Variants in CREB3 observed in about 807,000 individuals in gnomAD.
The protein encoded by CREB3 is cyclic AMP-responsive element-binding protein 3.
CREB3 carries 29 observed loss-of-function variants against 34.5 expected under a neutral mutation model. That is an observed-to-expected ratio of 0.84 (90% CI 0.63 to 1.15). The LOEUF is 1.15. Among genes scored for constraint, CREB3 ranks in the 50% most tolerant of loss-of-function variants. The pLI, the probability that CREB3 is intolerant of heterozygous loss-of-function variation, is 0.00. For synonymous variants in CREB3, 187 were observed against 173.9 expected (o/e 1.08, Z -0.59); for missense variants, 447 against 443.4 (o/e 1.01, Z -0.07).
At chr9:35,736,162 T>C (rs371979466) in intron 7 of CREB3, 30 bp downstream of exon 7, 33 of 1,612,818 alleles carry the variant, frequency 2.0e-5, no homozygotes, top group Non-Finnish European at 2.6e-5. Context: ...GAGAAATCCT[T>C]TTCTCAGTTG....
Position 35,733,496 on chromosome 9 carries a change from C to G in CREB3, c.435+11C>G, listed in dbSNP as rs1363168389. On this transcript the variant is annotated intron_variant, in intron 4 of 8. Coordinates refer to ENST00000353704, the MANE Select transcript of CREB3 (RefSeq NM_006368.5). ...CTTCCTCTCACTAAGGTAAGACTCT[C>G]ATTGGTTGAACAAAGGCTGAAAAGG... 9 of 1,596,266 alleles carry G rather than the reference C, an allele frequency of 5.6e-6. No homozygotes were observed. In the Admixed American group the frequency reaches 6.7e-5, roughly 12 times the overall value.
chr9:35,734,323 CTG>C (rs1459266982), intron 4 of CREB3, among the ~76,000 whole-genome samples: 1 of 152,162 alleles, frequency 6.6e-6, no homozygotes, highest in African/African-American at 2.4e-5. Flanking sequence ...GATTTGGAAA[CTG>C]TAGCAATAGA....
Position 35,732,998 on chromosome 9 carries a change from A to T in CREB3, c.132A>T (p.Val44=), listed in dbSNP as rs1563950553. 1 of 1,614,156 alleles carries T rather than the reference A, an allele frequency of 6.2e-7. No homozygotes were observed. The highest frequency in any genetic ancestry group is 2.2e-5 in the East Asian group (1 of 44,882). Residue 44 remains valine, a splice_region_variant and synonymous_variant, in exon 2 of 9, where the codon GTA becomes GTT. Coordinates refer to ENST00000353704, the MANE Select transcript of CREB3 (RefSeq NM_006368.5). The surrounding 1 kb of genome is among the most constrained non-coding windows in gnomAD (Gnocchi z 5.1). ...CTGTTCATTGGAACCCTGCGCAGGT[A>T]CCGAGCGACTGGGAAGTAGATGATT... The part of the protein sequence containing the change: ...PLDWALPLSE[V]PSDWEVDDLL...
In CREB3 at chr9:35,733,109, C is replaced by G; in HGVS notation, c.243C>G (p.Tyr81Ter). Residue 81 changes from tyrosine (Y) to a stop codon, truncating the protein, a stop_gained, in exon 2 of 9, where the codon TAC becomes TAG. Coordinates refer to ENST00000353704, the MANE Select transcript of CREB3 (RefSeq NM_006368.5). LOFTEE classifies it high-confidence loss of function. ...GCCTTGTCCACCATGACCACACCTACTCCCTCCCACGGGAAACTGTCTCTA... is the reference window on the plus strand; with the variant it reads ...GCCTTGTCCACCATGACCACACCTAGTCCCTCCCACGGGAAACTGTCTCTA... ...NPCLVHHDHT[Y>*]SLPRETVSMD... 1 of 1,614,250 alleles carries G rather than the reference C, an allele frequency of 6.2e-7. No individual in the cohort carries two copies. Among genetic ancestry groups the G allele is most frequent in the Non-Finnish European group, 8.5e-7 (1 of 1,180,050 alleles).
chr9:35,735,458 T>C, intron 6 of CREB3, 84 bp downstream of exon 6: 2 of 1,270,452 alleles, frequency 1.6e-6, no homozygotes. Context: ...ACTTGATTTC[T>C]AACTGGGCAG....
chr9:35,733,155 A>G lies in CREB3; in HGVS notation c.277+12A>G. The stretch of plus-strand genomic sequence containing the variant: ...CTCTATGGATCTAGGTGAGTCTGAA[A>G]TAAGTTTGCGGGGAGGACAGGGTTC... On this transcript the variant is annotated intron_variant, in intron 2 of 8. Coordinates refer to ENST00000353704, the MANE Select transcript of CREB3 (RefSeq NM_006368.5). The G allele has an allele frequency of 1.2e-6, 2 of 1,614,174 alleles. No individual in the cohort carries two copies. Among genetic ancestry groups the G allele is most frequent in the South Asian group, 1.1e-5 (1 of 91,082 alleles).
chr9:35,736,827 CT>C lies in CREB3; in HGVS notation c.*102del. 1 of 1,125,338 alleles carries C rather than the reference CT, an allele frequency of 8.9e-7. No homozygotes were observed. Among genetic ancestry groups the C allele is most frequent in the Non-Finnish European group, 1.3e-6 (1 of 785,440 alleles). The allele number at this position is 1,125,338 out of a possible 1,614,324, so 69.7% of individuals were successfully genotyped here. ...AAGGGCTGGCCGCAGCTCCTGTGCC[CT>C]GTCAGGACGACTGAGGGCTCAAACA... On this transcript the variant is annotated 3_prime_UTR_variant, in exon 9 of 9. Coordinates refer to ENST00000353704, the MANE Select transcript of CREB3 (RefSeq NM_006368.5).
rs1224820663 is a variant in CREB3, at chr9:35,733,446, G to A, written c.396G>A (p.Lys132=). Residue 132 remains lysine, a synonymous_variant, in exon 4 of 9, where the codon AAG becomes AAA. Transcript: ENST00000353704. The part of the protein sequence containing the change: ...LTDEEKSLLE[K]EGLILPETLP... ...ATGAGGAGAAGAGTCTATTGGAGAA[G>A]GAGGGGCTTATTCTGCCTGAGACAC... 1.2e-6 allele frequency: 2 copies of A among 1,613,666 alleles called. No individual in the cohort carries two copies. Among genetic ancestry groups the A allele is most frequent in the African/African-American group, 1.3e-5 (1 of 74,918 alleles).
Position 35,736,567 on chromosome 9 carries a change from C to G in CREB3, c.957C>G (p.Pro319=). 6.2e-7 allele frequency: 1 copy of G among 1,614,202 alleles called. No individual in the cohort carries two copies. The highest frequency in any genetic ancestry group is 8.5e-7 in the Non-Finnish European group (1 of 1,180,040). Residue 319 remains proline, a synonymous_variant, in exon 9 of 9, where the codon CCC becomes CCG. Transcript: ENST00000353704. ...TGCTGCATTACATGCCTCAGGCTCC[C>G]AGTGCAGAGCCTCCCCTGGAGTGGC... The part of the protein sequence containing the change: ...SCLLHYMPQA[P]SAEPPLEWPF...
Position 35,736,744 on chromosome 9 carries a change from G to T in CREB3, c.*18G>T, listed in dbSNP as rs571926809. 222 of 1,585,978 alleles carry T rather than the reference G, an allele frequency of 1.4e-4. 1 individual carries two copies. In the South Asian group the frequency reaches 2.4e-3, roughly 17 times the overall value. On this transcript the variant is annotated 3_prime_UTR_variant, in exon 9 of 9. Transcript: ENST00000353704. ...CAGGCTAGATATGAGGATATGTGGG[G>T]GGTCTCAGCAGGAGCCTGGGGGGCT...
In CREB3 at chr9:35,733,087, T is replaced by C. The variant is rs181914712; in HGVS notation, c.221T>C (p.Leu74Pro). Residue 74 changes from leucine to proline, a missense_variant, in exon 2 of 9, where the codon CTT (leucine) becomes CCT (proline). Coordinates refer to ENST00000353704, the MANE Select transcript of CREB3 (RefSeq NM_006368.5). ...ATTCTCAGCTCCTCCAACCCCTGCC[T>C]TGTCCACCATGACCACACCTACTCC... ...LNILSSSNPC[L>P]VHHDHTYSLP... 1.7e-4 allele frequency: 272 copies of C among 1,614,226 alleles called. 5 individuals carry two copies. The East Asian group carries it at 6.0e-3, about 36-fold the overall frequency.
rs574132925 is a variant in CREB3 at position 35,733,573 on chromosome 9, A to G, written c.435+88A>G. The G allele has an allele frequency of 5.3e-5, 47 of 890,920 alleles. No homozygotes were observed. The African/African-American group carries it at 6.0e-4, about 11-fold the overall frequency. 55.2% of individuals were successfully genotyped at this position (890,920 alleles called of 1,614,324 possible). On this transcript the variant is annotated intron_variant, in intron 4 of 8. Coordinates refer to ENST00000353704, the MANE Select transcript of CREB3 (RefSeq NM_006368.5). Reference sequence around the variant, plus strand: ...CTGTTAACTTTATATCAATAACTTTAAAAAAGGATTGAGGTGAGAAACTTA... The same window carrying G: ...CTGTTAACTTTATATCAATAACTTTGAAAAAGGATTGAGGTGAGAAACTTA...
rs752122931 is a variant in CREB3 at position 35,732,888 on chromosome 9, T to C, written c.116T>C (p.Leu39Pro). ...EAVRAPLDWA[L>P]PLSEVPSDWE... ...GTGAGGGCCCCACTGGACTGGGCGC[T>C]GCCGCTTTCTGAGGTAGGTTGGGGT... Residue 39 changes from leucine to proline, a missense_variant, in exon 1 of 9, where the codon CTG (leucine) becomes CCG (proline). By Grantham distance (98) the Leu-to-Pro change is moderately conservative (BLOSUM62 -3). Coordinates refer to ENST00000353704, the MANE Select transcript of CREB3 (RefSeq NM_006368.5). This position sits in a 1 kb window ranked among gnomAD's most constrained non-coding sequence, Gnocchi z 5.1. The C allele has an allele frequency of 6.2e-7, 1 of 1,613,862 alleles. No individual in the cohort carries two copies. Among genetic ancestry groups the C allele is most frequent in the South Asian group, 1.1e-5 (1 of 91,036 alleles).
chr9:35,736,642 C>G lies in CREB3; in HGVS notation c.1032C>G (p.Pro344=), dbSNP rs144553422. 3.9e-3 allele frequency: 6,255 copies of G among 1,613,808 alleles called. 20 individuals are homozygous for G. Among genetic ancestry groups the G allele is most frequent in the Non-Finnish European group, 4.5e-3 (5,264 of 1,180,022 alleles). ...SEPLCRGPIL[P]LQANLTRKGG... is the part of the protein sequence containing the mutation. ...CTCTCTGCCGAGGTCCCATCCTCCC[C>G]CTGCAGGCAAATCTCACAAGGAAGG... Residue 344 remains proline, a synonymous_variant, in exon 9 of 9, where the codon CCC becomes CCG. Coordinates refer to ENST00000353704, the MANE Select transcript of CREB3 (RefSeq NM_006368.5).
rs1182380130 is a variant in CREB3, at chr9:35,736,216, C to T, written c.697-11C>T. The T allele has an allele frequency of 1.2e-6, 2 of 1,613,918 alleles. No individual in the cohort carries two copies. Among genetic ancestry groups the T allele is most frequent in the Non-Finnish European group, 1.7e-6 (2 of 1,179,822 alleles). On this transcript the variant is annotated splice_polypyrimidine_tract_variant and intron_variant, in intron 7 of 8. Coordinates refer to ENST00000353704, the MANE Select transcript of CREB3 (RefSeq NM_006368.5). ...AGAGCCCTTCTTCATCTCCTTTTTC[C>T]TGTGCTCTAGGTCCTACTAGTCTCC...
chr9:35,735,481 G>T, intron 6 of CREB3, 107 bp downstream of exon 6: 1 of 969,446 alleles, frequency 1.0e-6, no homozygotes. Context: ...GCCTTCACTA[G>T]GTCTCTGATT....
rs911198300 is a variant in CREB3 at position 35,733,079 on chromosome 9, C to T, written c.213C>T (p.Asn71=). The change falls in exon 2 of 9, where the codon AAC becomes AAT. Residue 71 remains asparagine, a synonymous_variant. Transcript: ENST00000353704. ...CGTTGAACATTCTCAGCTCCTCCAACCCCTGCCTTGTCCACCATGACCACA... is the reference window on the plus strand; with the variant it reads ...CGTTGAACATTCTCAGCTCCTCCAATCCCTGCCTTGTCCACCATGACCACA... ...PASLNILSSS[N]PCLVHHDHTY... 3.1e-6 allele frequency: 5 copies of T among 1,614,142 alleles called. No individual in the cohort carries two copies. Among genetic ancestry groups the T allele is most frequent in the Admixed American group, 1.7e-5 (1 of 60,008 alleles).
chr9:35,732,730 G>A lies in CREB3; in HGVS notation c.-43G>A, dbSNP rs755582339. 1.3e-5 allele frequency: 21 copies of A among 1,581,294 alleles called. No homozygotes were observed. The highest frequency in any genetic ancestry group is 1.8e-5 in the Admixed American group (1 of 56,500). ...GCCTGGGGCTCGTGTCTGGGCTTCG[G>A]ACGTTGGGGCCCGGTGGCCCACCCT... On this transcript the variant is annotated 5_prime_UTR_variant, in exon 1 of 9. Coordinates refer to ENST00000353704, the MANE Select transcript of CREB3 (RefSeq NM_006368.5). The surrounding 1 kb of genome is among the most constrained non-coding windows in gnomAD (Gnocchi z 5.1).
In CREB3 at chr9:35,732,734, T is replaced by C; in HGVS notation, c.-39T>C. 2 of 1,584,248 alleles carry C rather than the reference T, an allele frequency of 1.3e-6. No individual in the cohort carries two copies. Among genetic ancestry groups the C allele is most frequent in the Non-Finnish European group, 1.7e-6 (2 of 1,164,916 alleles). ...GGGGCTCGTGTCTGGGCTTCGGACG[T>C]TGGGGCCCGGTGGCCCACCCTTTCC... On this transcript the variant is annotated 5_prime_UTR_variant, in exon 1 of 9. Transcript: ENST00000353704. This position sits in a 1 kb window ranked among gnomAD's most constrained non-coding sequence, Gnocchi z 5.1.
Sources: allele counts gnomAD v4.1 joint callset (sites outside exome capture counted in the v4.1 genomes callset), GRCh38; gene constraint gnomAD v4.1.1; non-coding constraint Gnocchi (gnomAD v3.1); transcripts MANE v1.5; gene names NCBI Gene and HGNC (gene_info 2026-07-23, HGNC 2026-07-21).